Variants in SLC17A8 observed in about 807,000 individuals in gnomAD.
The protein encoded by SLC17A8 is vesicular glutamate transporter 3.
SLC17A8 carries 31 observed loss-of-function variants against 58.0 expected under a neutral mutation model. That is an observed-to-expected ratio of 0.53 (90% CI 0.40 to 0.72). The LOEUF (loss-of-function observed/expected upper bound fraction) is 0.72, where lower values mean the gene tolerates loss of function less well. Among genes scored for constraint, SLC17A8 ranks in the 30% least tolerant of loss-of-function variants. SLC17A8 has a pLI of 0.00. For synonymous variants in SLC17A8, 228 were observed against 249.0 expected (o/e 0.92, Z 0.79); for missense variants, 655 against 727.8 (o/e 0.90, Z 1.15).
chr12:100,380,879 T>C lies in SLC17A8; in HGVS notation c.280T>C (p.Cys94Arg). 1.2e-6 allele frequency: 2 copies of C among 1,614,112 alleles called. No homozygotes were observed. The highest frequency in any genetic ancestry group is 1.7e-6 in the Non-Finnish European group (2 of 1,180,034). The change falls in exon 2 of 12, where the codon TGC (cysteine) becomes CGC (arginine). Residue 94 changes from cysteine (C) to arginine (R), a missense_variant. Coordinates refer to ENST00000323346, the MANE Select transcript of SLC17A8 (RefSeq NM_139319.3). ...ATTCTGCATTTCCTTTGGGATCCGGTGCAATCTTGGAGTTGCCATTGTGGA... is the reference window on the plus strand; with the variant it reads ...ATTCTGCATTTCCTTTGGGATCCGGCGCAATCTTGGAGTTGCCATTGTGGA... ...LGFCISFGIR[C>R]NLGVAIVEMV...
intron 1 of SLC17A8, among the ~76,000 whole-genome samples, chr12:100,368,400 A>T (rs1952535020): frequency 6.6e-6 from 1 of 152,194 alleles, no homozygotes; most frequent in African/African-American, 2.4e-5. Flanking sequence ...CCAGTCATGA[A>T]ATCAATCTAT....
chr12:100,399,715 G>C (rs928244297), intron 5 of SLC17A8, among the ~76,000 whole-genome samples: 2 of 152,142 alleles, frequency 1.3e-5, no homozygotes, highest in Non-Finnish European at 2.9e-5. Context: ...CCTCCCACCA[G>C]GTTCTTCCCT....
At chr12:100,394,398 C>CTTTTTTTT (rs34047250) in intron 4 of SLC17A8, among the ~76,000 whole-genome samples, 5 of 112,752 alleles carry the variant, frequency 4.4e-5, no homozygotes, top group Admixed American at 9.4e-5. Flanking sequence ...ACATCTTTTC[C>CTTTTTTTT]TTTTTTTTTT....
chr12:100,408,075 T>G (rs747171827), intron 9 of SLC17A8, among the ~76,000 whole-genome samples: 37 of 152,212 alleles, frequency 2.4e-4, no homozygotes, highest in Non-Finnish European at 4.4e-5. Flanking sequence ...CAGGTTGATT[T>G]GGAAATGATG....
At chr12:100,371,693 G>A (rs11110353) in intron 1 of SLC17A8, among the ~76,000 whole-genome samples, 13,713 of 152,184 alleles carry the variant, frequency 0.09, 1,028 homozygotes, top group East Asian at 0.34. Context: ...GATTACAGGT[G>A]CTTGCCAGCA....
chr12:100,419,330 C>T (rs184283452), intron 11 of SLC17A8, among the ~76,000 whole-genome samples: 21 of 152,108 alleles, frequency 1.4e-4, no homozygotes, highest in African/African-American at 5.1e-4. Context: ...GTCAGGAGAT[C>T]GAGACCATCC....
chr12:100,389,804 G>GTATTATTAT (rs144239177), intron 2 of SLC17A8, among the ~76,000 whole-genome samples: 7,825 of 142,330 alleles, frequency 0.055, 270 homozygotes, highest in Middle Eastern at 0.096. Flanking sequence ...GGCTAGATTT[G>GTATTATTAT]TATTATTATT....
Position 100,393,444 on chromosome 12 carries a change from A to G in SLC17A8, c.549A>G (p.Gly183=). 3.1e-6 allele frequency: 5 copies of G among 1,613,786 alleles called. No homozygotes were observed. The highest frequency in any genetic ancestry group is 1.1e-5 in the South Asian group (1 of 91,064). ...CCTCTGCAGCCAGAGTGCATTACGG[A>G]TGCGTCATGTGTGTCAGAATTCTGC... is the stretch of plus-strand genomic sequence containing the variant. ...FIPSAARVHY[G]CVMCVRILQG... The change falls in exon 4 of 12, where the codon GGA becomes GGG. Residue 183 remains glycine, a synonymous_variant. Transcript: ENST00000323346.
intron 1 of SLC17A8, among the ~76,000 whole-genome samples, chr12:100,374,627 A>G (rs1308966093): frequency 6.6e-6 from 1 of 152,104 alleles, no homozygotes; most frequent in Non-Finnish European, 1.5e-5. Context: ...AATAAATAAA[A>G]CAAAACAAAT....
intron 3 of SLC17A8, among the ~76,000 whole-genome samples, chr12:100,392,196 TG>T (rs1483220020): frequency 2.0e-5 from 3 of 151,964 alleles, no homozygotes; most frequent in African/African-American, 7.2e-5. Flanking sequence ...TTTTAAAAAG[TG>T]GTTTTTTTTT....
chr12:100,419,879 T>C lies in SLC17A8; in HGVS notation c.1490T>C (p.Phe497Ser). Residue 497 changes from phenylalanine to serine, a missense_variant, in exon 12 of 12, where the codon TTC becomes TCC. Transcript: ENST00000323346. ...CTGGTGCATTACAGTGGTGTGATCT[T>C]CTATGGGGTCTTTGCTTCTGGGGAG... ...AALVHYSGVI[F>S]YGVFASGEKQ... 2 of 1,614,114 alleles carry C rather than the reference T, an allele frequency of 1.2e-6. No individual in the cohort carries two copies.
Position 100,384,819 on chromosome 12 carries a change from C to G in SLC17A8, c.354+3866C>G, listed in dbSNP as rs78227793. ...AGAAGTGCTGAATGGAGCTTTCCCT[C>G]GTGGGAACTAGAGAAGCCTTTGCTA... is the stretch of plus-strand genomic sequence containing the variant. On this transcript the variant is annotated intron_variant, in intron 2 of 11. Transcript: ENST00000323346. Among the ~76,000 whole-genome samples the G allele has an allele frequency of 7.0e-3, 1,070 of 152,240 alleles. 12 individuals carry two copies. Among genetic ancestry groups the G allele is most frequent in the African/African-American group, 0.023 (951 of 41,552 alleles).
chr12:100,407,369 C>T (rs1952833535), intron 9 of SLC17A8, among the ~76,000 whole-genome samples: 1 of 152,000 alleles, frequency 6.6e-6, no homozygotes, highest in Non-Finnish European at 1.5e-5. Flanking sequence ...TTAATTCTGC[C>T]CCAGTACCTC....
chr12:100,400,848 G>A (rs969761822), intron 5 of SLC17A8, among the ~76,000 whole-genome samples: 1 of 151,934 alleles, frequency 6.6e-6, no homozygotes, highest in Admixed American at 6.6e-5. Flanking sequence ...CAATTATCTT[G>A]TCTAGACAAG....
At chr12:100,417,413 C>A (rs1952914367) in intron 10 of SLC17A8, among the ~76,000 whole-genome samples, 1 of 152,148 alleles carries the variant, frequency 6.6e-6, no homozygotes, top group Admixed American at 6.5e-5. Context: ...GAAACAAAGG[C>A]CCCCAAATTA....
At position 100,420,990 on chromosome 12, in the gene SLC17A8, C is replaced by T. The variant is rs575962932; in HGVS notation, c.*831C>T. 1 of 152,192 alleles carries T rather than the reference C, an allele frequency of 6.6e-6. No homozygotes were observed. Among genetic ancestry groups the T allele is most frequent in the South Asian group, 2.1e-4 (1 of 4,812 alleles). 9.4% of individuals were successfully genotyped at this position (152,192 alleles called of 1,614,324 possible). On this transcript the variant is annotated 3_prime_UTR_variant, in exon 12 of 12. Coordinates refer to ENST00000323346, the MANE Select transcript of SLC17A8 (RefSeq NM_139319.3). ...CCATAGTTTTTAAAGTAATAAGGGT[C>T]AAAGACTACATCAGAGATTCAAATA...
chr12:100,402,708 C>T lies in SLC17A8; in HGVS notation c.1016C>T (p.Ala339Val). Residue 339 changes from alanine (A) to valine (V), a missense_variant, in exon 8 of 12, where the codon GCT becomes GTT. Ala to Val is a moderately conservative substitution (Grantham distance 64). Coordinates refer to ENST00000323346, the MANE Select transcript of SLC17A8 (RefSeq NM_139319.3). ...TFYLLLISQP[A>V]YFEEVFGFAI... is the part of the protein sequence containing the mutation. ...TATTTGCTCCTCATAAGTCAGCCTG[C>T]TTATTTTGAAGAGGTCTTTGGATTT... is the stretch of plus-strand genomic sequence containing the variant. 3.1e-6 allele frequency: 5 copies of T among 1,613,984 alleles called. No individual in the cohort carries two copies. Among genetic ancestry groups the T allele is most frequent in the Non-Finnish European group, 4.2e-6 (5 of 1,179,996 alleles).
chr12:100,369,217 A>T (rs911378764), intron 1 of SLC17A8, among the ~76,000 whole-genome samples: 8 of 152,224 alleles, frequency 5.3e-5, no homozygotes, highest in African/African-American at 1.9e-4. Context: ...CAGACGTTGC[A>T]GTGAGCCGAA....
At chr12:100,398,926 T>C (rs1952770848) in intron 5 of SLC17A8, among the ~76,000 whole-genome samples, 1 of 152,150 alleles carries the variant, frequency 6.6e-6, no homozygotes, top group Non-Finnish European at 1.5e-5. Context: ...CCACGTAAGA[T>C]GTGACTTGCT....
Sources: gnomAD v4.1 joint callset for allele counts (sites outside exome capture counted in the v4.1 genomes callset) on GRCh38, gnomAD v4.1.1 for gene constraint, MANE v1.5 for transcripts, NCBI Gene and HGNC (gene_info 2026-07-23, HGNC 2026-07-21) for gene names.